The following PRKCH variants were observed in gnomAD, a reference collection of about 807,000 sequenced individuals.
PRKCH encodes the protein protein kinase C eta.
A neutral mutation model predicts 82.5 loss-of-function variants in PRKCH; 28 were observed. That is an observed-to-expected ratio of 0.34 (90% CI 0.25 to 0.47). The LOEUF (loss-of-function observed/expected upper bound fraction) is 0.47. Among genes scored for constraint, PRKCH ranks in the 20% least tolerant of loss-of-function variants. PRKCH has a pLI of 1.00. For synonymous variants in PRKCH, 322 were observed against 327.4 expected (o/e 0.98, Z 0.18); for missense variants, 705 against 881.8 (o/e 0.80, Z 2.54).
intron 10 of PRKCH, among the ~76,000 whole-genome samples, chr14:61,521,684 C>T (rs911232303): frequency 2.6e-5 from 4 of 152,034 alleles, no homozygotes; most frequent in Non-Finnish European, 4.4e-5. Context: ...CTTCCCGCTT[C>T]GGCCTCCCAA....
chr14:61,490,452 C>T (rs951645980), intron 10 of PRKCH, among the ~76,000 whole-genome samples: 1 of 152,082 alleles, frequency 6.6e-6, no homozygotes, highest in Non-Finnish European at 1.5e-5. Context: ...GTGAATATAC[C>T]GATCACCAAC....
intron 9 of PRKCH, among the ~76,000 whole-genome samples, chr14:61,467,334 G>A (rs1885305111): frequency 2.0e-5 from 3 of 152,256 alleles, no homozygotes. Flanking sequence ...CCTTTAGGGA[G>A]TGCCCCTCCA....
intron 2 of PRKCH, among the ~76,000 whole-genome samples, chr14:61,434,052 G>C (rs149889439): frequency 6.6e-6 from 1 of 152,172 alleles, no homozygotes; most frequent in Non-Finnish European, 1.5e-5. Context: ...TCATAGCTAC[G>C]TTGTTCCCTT....
upstream of PRKCH, among the ~76,000 whole-genome samples, chr14:61,319,058 C>T (rs1016922546): frequency 6.6e-6 from 1 of 152,130 alleles, no homozygotes; most frequent in African/African-American, 2.4e-5. Flanking sequence ...CCTTCAGAGG[C>T]GTCCAGTGGC....
chr14:61,376,154 G>T (rs1487919609), intron 1 of PRKCH, among the ~76,000 whole-genome samples: 2 of 152,082 alleles, frequency 1.3e-5, no homozygotes, highest in East Asian at 3.9e-4. Context: ...ATATAATGGA[G>T]ATAATGCTGC....
intron 10 of PRKCH, among the ~76,000 whole-genome samples, chr14:61,514,314 TAAAA>T (rs546556676): frequency 1.5e-5 from 2 of 132,132 alleles, no homozygotes; most frequent in African/African-American, 2.9e-5. Context: ...TCTTCTCCTT[TAAAA>T]AAAAAAAAAA....
chr14:61,447,569 A>G (rs1884287688), intron 4 of PRKCH, among the ~76,000 whole-genome samples: 1 of 152,232 alleles, frequency 6.6e-6, no homozygotes, highest in Admixed American at 6.5e-5. Flanking sequence ...CAAATTTAAA[A>G]GAAGAGAAAC....
intron 1 of PRKCH, among the ~76,000 whole-genome samples, chr14:61,275,069 C>G (rs1224968812): frequency 1.3e-5 from 2 of 152,122 alleles, no homozygotes; most frequent in African/African-American, 2.4e-5. Flanking sequence ...TGTTTCCTTT[C>G]CCATTTTGGA....
At chr14:61,358,930 C>T (rs1280397894) in intron 1 of PRKCH, among the ~76,000 whole-genome samples, 1 of 152,182 alleles carries the variant, frequency 6.6e-6, no homozygotes. Flanking sequence ...TCACCTCCTC[C>T]AGGAAGCCTT....
intron 3 of PRKCH, among the ~76,000 whole-genome samples, chr14:61,443,993 G>A (rs1884095436): frequency 6.6e-6 from 1 of 152,226 alleles, no homozygotes; most frequent in Non-Finnish European, 1.5e-5. Context: ...AGCGTGAAAG[G>A]AGATCTATAT....
intron 1 of PRKCH, among the ~76,000 whole-genome samples, chr14:61,293,586 GA>G (rs1160109558): frequency 6.6e-6 from 1 of 152,186 alleles, no homozygotes; most frequent in African/African-American, 2.4e-5. Flanking sequence ...AACACCTGAA[GA>G]TTTTTTTTAA....
intron 1 of PRKCH, among the ~76,000 whole-genome samples, chr14:61,255,214 T>C (rs1252789923): frequency 6.6e-6 from 1 of 152,214 alleles, no homozygotes; most frequent in Non-Finnish European, 1.5e-5. Context: ...TTAGGCAGGT[T>C]GTGGGACTCA....
intron 1 of PRKCH, among the ~76,000 whole-genome samples, chr14:61,299,291 A>C (rs567694333): frequency 6.6e-6 from 1 of 152,160 alleles, no homozygotes; most frequent in Non-Finnish European, 1.5e-5. Flanking sequence ...GAGGGGCTGC[A>C]TGCTCAGTGT....
chr14:61,446,033 A>G (rs550055103), intron 4 of PRKCH, among the ~76,000 whole-genome samples: 7 of 152,342 alleles, frequency 4.6e-5, no homozygotes, highest in African/African-American at 1.7e-4. Context: ...ATACTCTTAA[A>G]TTTTGAAGAT....
chr14:61,487,455 G>T (rs1886273349), intron 10 of PRKCH, among the ~76,000 whole-genome samples: 2 of 152,240 alleles, frequency 1.3e-5, no homozygotes, highest in South Asian at 4.1e-4. Context: ...TGTATGCTTT[G>T]TGGAGGTTGC....
chr14:61,264,520 A>G (rs1292715088), intron 1 of PRKCH, among the ~76,000 whole-genome samples: 1 of 152,246 alleles, frequency 6.6e-6, no homozygotes, highest in Non-Finnish European at 1.5e-5. Flanking sequence ...TAGGGCCTTC[A>G]CTAGTAGTAA....
intron 1 of PRKCH, among the ~76,000 whole-genome samples, chr14:61,335,205 A>T (rs1392634426): frequency 2.6e-5 from 4 of 152,098 alleles, no homozygotes; most frequent in Non-Finnish European, 2.9e-5. Context: ...AAAGTTTCTT[A>T]GGGGTGGGGT....
intron 10 of PRKCH, among the ~76,000 whole-genome samples, chr14:61,500,135 A>G (rs994791455): frequency 1.3e-5 from 2 of 151,368 alleles, no homozygotes; most frequent in Non-Finnish European, 2.9e-5. Flanking sequence ...AATCAGAACT[A>G]TCTGAACTAG....
At chr14:61,203,738 G>A (rs2140040483) in intron 1 of PRKCH, among the ~76,000 whole-genome samples, 1 of 152,248 alleles carries the variant, frequency 6.6e-6, no homozygotes, top group Non-Finnish European at 1.5e-5. Flanking sequence ...CACTTTGGAA[G>A]GCTGAGGCGG....
Sources: gnomAD v4.1 joint callset for allele counts (sites outside exome capture counted in the v4.1 genomes callset) on GRCh38, gnomAD v4.1.1 for gene constraint, MANE v1.5 for transcripts, NCBI Gene and HGNC (gene_info 2026-07-23, HGNC 2026-07-21) for gene names.